DNAH8: variants seen among roughly 807,000 people sequenced by gnomAD.
DNAH8 encodes the protein dynein axonemal heavy chain 8.
Under a neutral mutation model 562.1 loss-of-function variants are expected in DNAH8, and 382 were observed. The ratio of observed to expected loss-of-function variants is 0.68; its 90% confidence interval spans 0.63 to 0.74. The LOEUF is 0.74. Among genes scored for constraint, DNAH8 ranks in the 30% least tolerant of loss-of-function variants. The probability of loss-of-function intolerance (pLI) is 0.00; values close to 1 mark genes in which losing one functional copy is unlikely to be tolerated. For synonymous variants in DNAH8, 1,881 were observed against 1,919.4 expected (o/e 0.98, Z 0.52); for missense variants, 5,203 against 5,620.4 (o/e 0.93, Z 2.37).
At chr6:38,941,318 G>A (rs576207969) in intron 79 of DNAH8, among the ~76,000 whole-genome samples, 57 of 152,270 alleles carry the variant, frequency 3.7e-4, no homozygotes, top group Middle Eastern at 3.4e-3. Flanking sequence ...GGCAGTCACC[G>A]ATAACTTCTT....
intron 91 of DNAH8, among the ~76,000 whole-genome samples, chr6:39,024,634 C>T (rs1767148538): frequency 6.6e-6 from 1 of 152,114 alleles, no homozygotes; most frequent in African/African-American, 2.4e-5. Flanking sequence ...TGAGACCAGC[C>T]TGAGTAACAT....
chr6:38,774,770 G>A (rs1767903669), intron 12 of DNAH8, among the ~76,000 whole-genome samples: 1 of 152,198 alleles, frequency 6.6e-6, no homozygotes, highest in South Asian at 2.1e-4. Context: ...GTAGGTGAGT[G>A]GAGTATATGT....
At chr6:38,956,175 A>G (rs992074006) in intron 82 of DNAH8, among the ~76,000 whole-genome samples, 1 of 152,218 alleles carries the variant, frequency 6.6e-6, no homozygotes, top group Non-Finnish European at 1.5e-5. Context: ...GCTTGCTCAT[A>G]TCTAGCAGAC....
At chr6:38,942,723 T>C (rs368601950) in intron 79 of DNAH8, among the ~76,000 whole-genome samples, 5 of 152,314 alleles carry the variant, frequency 3.3e-5, no homozygotes, top group South Asian at 2.1e-4. Context: ...TCGTAGCTCA[T>C]AGGATACAGT....
intron 4 of DNAH8, among the ~76,000 whole-genome samples, chr6:38,732,181 G>C (rs11758334): frequency 0.18 from 26,964 of 152,084 alleles, 2,916 homozygotes; most frequent in Non-Finnish European, 0.25. Context: ...CAAAAAATTC[G>C]TTATAGTATA....
chr6:38,893,685 A>G (rs1779489553), intron 58 of DNAH8, among the ~76,000 whole-genome samples: 1 of 152,214 alleles, frequency 6.6e-6, no homozygotes, highest in African/African-American at 2.4e-5. Context: ...TCATCTCCCC[A>G]TGCTACTTGC....
chr6:39,023,176 T>C (rs1445073220), intron 91 of DNAH8, among the ~76,000 whole-genome samples: 2 of 152,142 alleles, frequency 1.3e-5, no homozygotes, highest in Admixed American at 6.5e-5. Flanking sequence ...TGATTGAAAT[T>C]TGGTTTAGGA....
chr6:38,920,179 TC>T, intron 70 of DNAH8, among the ~76,000 whole-genome samples: 1 of 152,268 alleles, frequency 6.6e-6, no homozygotes, highest in Admixed American at 6.5e-5. Context: ...AGTGGTGCAA[TC>T]ATAGCTTACT....
intron 42 of DNAH8, among the ~76,000 whole-genome samples, chr6:38,858,099 C>T (rs903731778): frequency 1.3e-5 from 2 of 152,268 alleles, no homozygotes; most frequent in South Asian, 2.1e-4. Context: ...CACGGCTGTT[C>T]GTCCAGTTGA....
At position 38,938,107 on chromosome 6, in the gene DNAH8, G is replaced by T. The variant is rs1783117114; in HGVS notation, c.11697G>T (p.Arg3899=). 1.9e-6 allele frequency: 3 copies of T among 1,613,876 alleles called. No homozygotes were observed. The highest frequency in any genetic ancestry group is 2.5e-6 in the Non-Finnish European group (3 of 1,180,002). ...TCAACGCGGCTCAGGAGGAGTTCCG[G>T]CCCGCAGCCACCCGCGGAAGCATCC... ...IKINAAQEEF[R]PAATRGSILY... The change falls in exon 78 of 93, where the codon CGG becomes CGT. Residue 3899 remains arginine (R), a synonymous_variant. Transcript: ENST00000327475.
chr6:38,929,088 A>T (rs1782333700), intron 74 of DNAH8, among the ~76,000 whole-genome samples: 2 of 152,166 alleles, frequency 1.3e-5, no homozygotes, highest in South Asian at 2.1e-4. Flanking sequence ...TGACATTCTT[A>T]TGTTTACTTT....
At chr6:38,999,381 G>T (rs147749296) in intron 88 of DNAH8, among the ~76,000 whole-genome samples, 24 of 151,130 alleles carry the variant, frequency 1.6e-4, no homozygotes, top group Non-Finnish European at 1.0e-4. Flanking sequence ...GAGCACCTGA[G>T]AATTTGGATA....
At chr6:38,813,115 T>C (rs1263576016) in intron 24 of DNAH8, among the ~76,000 whole-genome samples, 1 of 152,206 alleles carries the variant, frequency 6.6e-6, no homozygotes, top group Non-Finnish European at 1.5e-5. Flanking sequence ...AGGTACCAAA[T>C]GATCTAGTGC....
At chr6:38,766,983 T>G (rs1767066554) in intron 11 of DNAH8, among the ~76,000 whole-genome samples, 2 of 152,156 alleles carry the variant, frequency 1.3e-5, no homozygotes, top group African/African-American at 4.8e-5. Context: ...TTTGTATAAT[T>G]AAAAATTTTT....
chr6:38,966,295 T>G (rs9296271), intron 82 of DNAH8, among the ~76,000 whole-genome samples: 132,837 of 152,174 alleles, frequency 0.87, 58,036 homozygotes, highest in East Asian at 0.93. Context: ...CTCAAGAAGA[T>G]GTAGAAAATC....
chr6:38,811,950 C>T (rs1316135334), intron 24 of DNAH8, among the ~76,000 whole-genome samples: 1 of 152,132 alleles, frequency 6.6e-6, no homozygotes, highest in Non-Finnish European at 1.5e-5. Flanking sequence ...CACGGGTAGC[C>T]TAACTTAGTT....
At chr6:39,023,418 G>A (rs542085539) in intron 91 of DNAH8, among the ~76,000 whole-genome samples, 233 of 152,276 alleles carry the variant, frequency 1.5e-3, no homozygotes, top group African/African-American at 5.1e-3. Flanking sequence ...GTGTGAACCC[G>A]GGAGGTGGAG....
chr6:38,718,545 C>T (rs942881110), intron 1 of DNAH8, among the ~76,000 whole-genome samples: 2 of 152,078 alleles, frequency 1.3e-5, no homozygotes, highest in Admixed American at 1.3e-4. Context: ...TCCAAAATGG[C>T]AGTGGTCATG....
At chr6:38,859,868 G>A (rs1243242589) in intron 42 of DNAH8, among the ~76,000 whole-genome samples, 1 of 152,080 alleles carries the variant, frequency 6.6e-6, no homozygotes, top group Non-Finnish European at 1.5e-5. Context: ...AGTGGCTTCC[G>A]ACTGCTATGA....
Sources: allele counts gnomAD v4.1 joint callset (sites outside exome capture counted in the v4.1 genomes callset), GRCh38; gene constraint gnomAD v4.1.1; transcripts MANE v1.5; gene names NCBI Gene and HGNC (gene_info 2026-07-23, HGNC 2026-07-21).